UNC13C: variants seen among roughly 807,000 people sequenced by gnomAD.
The protein encoded by UNC13C is protein unc-13 homolog C.
A neutral mutation model predicts 245.4 loss-of-function variants in UNC13C; 174 were observed. The ratio of observed to expected loss-of-function variants is 0.71; its 90% CI spans 0.63 to 0.80. The LOEUF (loss-of-function observed/expected upper bound fraction) is 0.80. Ranked by LOEUF, UNC13C falls within the 30% of genes least tolerant of loss-of-function variation. UNC13C has a pLI of 0.00. For missense variants in UNC13C, 2,829 were observed against 2,602.9 expected, an observed-to-expected ratio of 1.09 and a Z score of -1.89; for synonymous variants, 992 against 895.1, an observed-to-expected ratio of 1.11 and a Z score of -1.93.
At chr15:54,238,328 C>A (rs1427377713) in intron 7 of UNC13C, among the ~76,000 whole-genome samples, 1 of 152,108 alleles carries the variant, frequency 6.6e-6, no homozygotes, top group Non-Finnish European at 1.5e-5. Flanking sequence ...CTGCCTTGGC[C>A]TCCCAAAGTG....
chr15:54,559,783 C>T (rs939757222), intron 29 of UNC13C, among the ~76,000 whole-genome samples: 8 of 151,708 alleles, frequency 5.3e-5, no homozygotes, highest in Non-Finnish European at 1.0e-4. Flanking sequence ...CATGAGTGAC[C>T]GAAGAGAAGG....
intron 2 of UNC13C, among the ~76,000 whole-genome samples, chr15:54,123,158 A>G (rs1056671990): frequency 1.3e-4 from 19 of 151,990 alleles, no homozygotes; most frequent in Middle Eastern, 3.4e-3. Flanking sequence ...TTGTCATGGT[A>G]TCTTATGGTT....
At chr15:54,497,370 A>G (rs1466056976) in intron 20 of UNC13C, among the ~76,000 whole-genome samples, 3 of 152,140 alleles carry the variant, frequency 2.0e-5, no homozygotes, top group African/African-American at 7.2e-5. Flanking sequence ...AGCCAACAGT[A>G]GCTCAGAGTT....
At chr15:54,494,251 A>G (rs1893851305) in intron 19 of UNC13C, among the ~76,000 whole-genome samples, 2 of 152,130 alleles carry the variant, frequency 1.3e-5, no homozygotes, top group South Asian at 4.1e-4. Context: ...AAGAATTTTA[A>G]TTCTCTCTGT....
At chr15:53,925,838 C>T in the UNC13C span, among the ~76,000 whole-genome samples, 3 of 152,176 alleles carry the variant, frequency 2.0e-5, no homozygotes, top group South Asian at 4.1e-4. Context: ...TGTGAATGAT[C>T]GCCATGCCTG....
chr15:54,524,156 C>T (rs60711672), intron 24 of UNC13C, among the ~76,000 whole-genome samples: 4,278 of 151,330 alleles, frequency 0.028, 171 homozygotes, highest in African/African-American at 0.096. Context: ...CTGGTTTTAG[C>T]TGAATAGAAC....
chr15:54,003,989 C>G (rs138234132), intron 1 of UNC13C, among the ~76,000 whole-genome samples: 2 of 152,078 alleles, frequency 1.3e-5, no homozygotes, highest in South Asian at 4.1e-4. Flanking sequence ...CCAGCCTGGG[C>G]GACAGAGTGA....
chr15:54,156,566 T>G (rs1306894379), intron 4 of UNC13C, among the ~76,000 whole-genome samples: 1 of 152,060 alleles, frequency 6.6e-6, no homozygotes, highest in Non-Finnish European at 1.5e-5. Flanking sequence ...TGCATTTATT[T>G]GTATCAAGTG....
intron 17 of UNC13C, among the ~76,000 whole-genome samples, chr15:54,369,922 G>A (rs1032383405): frequency 6.6e-6 from 1 of 151,958 alleles, no homozygotes; most frequent in African/African-American, 2.4e-5. Context: ...GGTTAGTTAG[G>A]GATCCTCGGT....
intron 2 of UNC13C, among the ~76,000 whole-genome samples, chr15:54,057,339 C>T (rs1897579833): frequency 6.6e-6 from 1 of 150,920 alleles, no homozygotes; most frequent in Non-Finnish European, 1.5e-5. Context: ...GACTTTAAAC[C>T]AACAAAGATC....
intron 13 of UNC13C, among the ~76,000 whole-genome samples, chr15:54,313,430 T>C (rs556702751): frequency 6.6e-6 from 1 of 151,950 alleles, no homozygotes; most frequent in Non-Finnish European, 1.5e-5. Flanking sequence ...CTGTGCTAAA[T>C]ATGGGCTGGA....
intron 13 of UNC13C, among the ~76,000 whole-genome samples, chr15:54,307,275 TTCATTTATGGCTG>T (rs1405886441): frequency 6.6e-6 from 1 of 151,924 alleles, no homozygotes; most frequent in East Asian, 1.9e-4. Flanking sequence ...CATTTCCTGG[TTCATTTATGGCTG>T]TCATTTCACT....
chr15:54,239,357 TACA>T (rs1215409686), intron 7 of UNC13C, among the ~76,000 whole-genome samples: 2 of 152,204 alleles, frequency 1.3e-5, no homozygotes, highest in Non-Finnish European at 2.9e-5. Context: ...ATGTGGAGGC[TACA>T]ACAAGTTGAT....
chr15:53,945,926 G>A, the UNC13C span, among the ~76,000 whole-genome samples: 1 of 152,036 alleles, frequency 6.6e-6, no homozygotes, highest in African/African-American at 2.4e-5. Context: ...ATTTATTTGA[G>A]CAGCGTTTTG....
intron 2 of UNC13C, among the ~76,000 whole-genome samples, chr15:54,094,904 C>T (rs969217391): frequency 2.0e-5 from 3 of 152,154 alleles, no homozygotes; most frequent in African/African-American, 7.2e-5. Flanking sequence ...CAAAGTGATT[C>T]AGACATTTTA....
chr15:54,117,889 T>C (rs78466743), intron 2 of UNC13C, among the ~76,000 whole-genome samples: 2,859 of 152,200 alleles, frequency 0.019, 70 homozygotes, highest in East Asian at 0.094. Context: ...CCCCAAACCA[T>C]ATATTGAGAA....
chr15:54,292,873 T>C (rs1403569655), intron 10 of UNC13C, among the ~76,000 whole-genome samples: 1 of 148,688 alleles, frequency 6.7e-6, no homozygotes, highest in Middle Eastern at 3.6e-3. Context: ...TTATAAAATA[T>C]GTTTTATACA....
intron 4 of UNC13C, among the ~76,000 whole-genome samples, chr15:54,196,842 TA>T (rs1222032034): frequency 6.6e-6 from 1 of 152,094 alleles, no homozygotes; most frequent in African/African-American, 2.4e-5. Context: ...ACTTATATAA[TA>T]AAAACCTAAA....
intron 17 of UNC13C, among the ~76,000 whole-genome samples, chr15:54,364,795 C>G (rs991155246): frequency 1.3e-5 from 2 of 152,132 alleles, no homozygotes; most frequent in Non-Finnish European, 2.9e-5. Flanking sequence ...CGGTAACACA[C>G]TTAGCTAGTG....
Sources: gnomAD v4.1 joint callset for allele counts (sites outside exome capture counted in the v4.1 genomes callset) on GRCh38, gnomAD v4.1.1 for gene constraint, MANE v1.5 for transcripts, NCBI Gene and HGNC (gene_info 2026-07-23, HGNC 2026-07-21) for gene names.